Variants in ARHGAP22 observed in about 807,000 individuals in gnomAD.
ARHGAP22 encodes Rho GTPase activating protein 22.
In ARHGAP22, 48 loss-of-function variants were observed where a neutral mutation model predicts 59.1. The ratio of observed to expected loss-of-function variants is 0.81; its 90% CI spans 0.64 to 1.03. The LOEUF (loss-of-function observed/expected upper bound fraction) is 1.03. Among genes scored for constraint, ARHGAP22 ranks in the 50% least tolerant of loss-of-function variants. ARHGAP22 has a pLI of 0.00. For missense variants in ARHGAP22, 1,015 were observed against 958.7 expected (o/e 1.06, Z -0.78); for synonymous variants, 445 against 416.4 (o/e 1.07, Z -0.84).
intron 1 of ARHGAP22, among the ~76,000 whole-genome samples, chr10:48,648,353 G>A (rs1316756685): frequency 6.6e-6 from 1 of 152,134 alleles, no homozygotes; most frequent in Non-Finnish European, 1.5e-5. Context: ...TGCACTTCCT[G>A]GGCCCCTTGC....
chr10:48,507,519 C>T (rs1360569264), intron 3 of ARHGAP22, among the ~76,000 whole-genome samples: 1 of 152,190 alleles, frequency 6.6e-6, no homozygotes, highest in Non-Finnish European at 1.5e-5. Context: ...AAAGGTTAGC[C>T]TTTTGGGGAA....
rs78811305 is a variant in ARHGAP22, at chr10:48,511,112, G to A, written c.323-31348C>T. Reference sequence around the variant, plus strand: ...TTTGCAGGCAGGTGACTCCATGCACGGCACGGCAGCCAGGACCTCACCAAG... The same window carrying A: ...TTTGCAGGCAGGTGACTCCATGCACAGCACGGCAGCCAGGACCTCACCAAG... On this transcript the variant is annotated intron_variant, in intron 3 of 9. Coordinates refer to ENST00000249601, the MANE Select transcript of ARHGAP22 (RefSeq NM_021226.4). 5.9e-3 allele frequency among the ~76,000 whole-genome samples: 899 copies of A among 152,310 alleles called. 2 individuals carry two copies. Among genetic ancestry groups the A allele is most frequent in the Non-Finnish European group, 8.3e-3 (564 of 68,024 alleles).
intron 3 of ARHGAP22, 68 bp from the exon 4 acceptor site, chr10:48,479,832 T>C (rs1464065733): frequency 5.6e-6 from 8 of 1,418,296 alleles, no homozygotes; most frequent in African/African-American, 1.4e-5. Context: ...CCGCCGGCAC[T>C]AGTCAGCATT....
At chr10:48,630,048 T>G (rs926675045) in intron 1 of ARHGAP22, among the ~76,000 whole-genome samples, 1 of 152,220 alleles carries the variant, frequency 6.6e-6, no homozygotes, top group African/African-American at 2.4e-5. Flanking sequence ...TGCTAGGAGT[T>G]TGATTGGGAT....
intron 4 of ARHGAP22, among the ~76,000 whole-genome samples, chr10:48,465,509 A>AG (rs1402380529): frequency 6.6e-6 from 1 of 152,226 alleles, no homozygotes; most frequent in Non-Finnish European, 1.5e-5. Context: ...CCAGGCACCC[A>AG]GGAGCAAGTG....
At chr10:48,603,474 CT>C (rs1205420042) in intron 1 of ARHGAP22, among the ~76,000 whole-genome samples, 1 of 152,124 alleles carries the variant, frequency 6.6e-6, no homozygotes, top group East Asian at 1.9e-4. Flanking sequence ...ATTGTACATT[CT>C]TTTTTTGTAC....
intron 1 of ARHGAP22, among the ~76,000 whole-genome samples, chr10:48,646,644 C>G (rs1413499241): frequency 2.0e-5 from 3 of 151,940 alleles, no homozygotes; most frequent in Non-Finnish European, 4.4e-5. Flanking sequence ...ACAGCAGCAG[C>G]AACAACAACA....
chr10:48,450,113 G>C (rs969837507), intron 9 of ARHGAP22, 148 bp downstream of exon 9: 176 of 1,214,246 alleles, frequency 1.4e-4, no homozygotes, highest in Non-Finnish European at 1.9e-4. Flanking sequence ...CAGTCCTAGG[G>C]CTTTCCCAGA....
chr10:48,589,118 C>A (rs987245711), intron 1 of ARHGAP22, among the ~76,000 whole-genome samples: 1 of 152,222 alleles, frequency 6.6e-6, no homozygotes, highest in African/African-American at 2.4e-5. Context: ...CCTCACCCCC[C>A]AGTCCCCACC....
At chr10:48,591,629 T>C (rs932123036) in intron 1 of ARHGAP22, among the ~76,000 whole-genome samples, 1 of 152,022 alleles carries the variant, frequency 6.6e-6, no homozygotes, top group Admixed American at 6.5e-5. Context: ...TAATCCTAAG[T>C]CACATATAGA....
chr10:48,542,543 T>G (rs1021326360), intron 3 of ARHGAP22, among the ~76,000 whole-genome samples: 1 of 152,218 alleles, frequency 6.6e-6, no homozygotes, highest in Non-Finnish European at 1.5e-5. Context: ...GGCTCCCTCC[T>G]GCCTCCTGAT....
At chr10:48,490,555 G>T (rs1294142522) in intron 3 of ARHGAP22, among the ~76,000 whole-genome samples, 1 of 152,112 alleles carries the variant, frequency 6.6e-6, no homozygotes, top group Non-Finnish European at 1.5e-5. Context: ...GTGACTTCCC[G>T]TAGGCACAAT....
intron 3 of ARHGAP22, among the ~76,000 whole-genome samples, chr10:48,535,628 G>T (rs899488961): frequency 6.6e-6 from 1 of 152,214 alleles, no homozygotes; most frequent in African/African-American, 2.4e-5. Context: ...AGAGGCTTTG[G>T]CTGCCACACC....
At chr10:48,488,228 T>G (rs1357622284) in intron 3 of ARHGAP22, among the ~76,000 whole-genome samples, 1 of 152,256 alleles carries the variant, frequency 6.6e-6, no homozygotes, top group African/African-American at 2.4e-5. Context: ...AGAAGTTTAA[T>G]TTAGGTCTTT....
chr10:48,526,645 G>A (rs972194631), intron 3 of ARHGAP22, among the ~76,000 whole-genome samples: 4 of 152,166 alleles, frequency 2.6e-5, no homozygotes, highest in Admixed American at 2.0e-4. Flanking sequence ...ATTGTCCAAC[G>A]GCCAAGTCCT....
the ARHGAP22 span, chr10:48,430,096 T>C: frequency 6.6e-6 from 1 of 152,332 alleles, no homozygotes; most frequent in East Asian, 1.9e-4. Context: ...TTGTTTGTTT[T>C]TGTTTTTTTG....
Position 48,450,799 on chromosome 10 carries a change from C to G in ARHGAP22, c.1330G>C (p.Gly444Arg), listed in dbSNP as rs34940331. The G allele has an allele frequency of 0.011, 17,786 of 1,574,734 alleles. 123 individuals are homozygous for G. Among genetic ancestry groups the G allele is most frequent in the Non-Finnish European group, 0.013 (14,782 of 1,160,890 alleles). ...QPRSLSGSPK[G>R]GGSSLEVPII... Reference sequence around the variant, plus strand: ...GGCACCTCCAGGGATGAGCCGCCCCCCTTCGGGCTTCCCGATAGGGACCTC... The same window carrying G: ...GGCACCTCCAGGGATGAGCCGCCCCGCTTCGGGCTTCCCGATAGGGACCTC... The change falls in exon 9 of 10, where the codon GGG becomes CGG. Residue 444 changes from glycine (G) to arginine (R), a missense_variant. By Grantham distance (125) the Gly-to-Arg change is moderately radical. Coordinates refer to ENST00000249601, the MANE Select transcript of ARHGAP22 (RefSeq NM_021226.4).
At position 48,457,190 on chromosome 10, in the gene ARHGAP22, C is replaced by A. The variant is rs114354752; in HGVS notation, c.660-2056G>T. On this transcript the variant is annotated intron_variant, in intron 5 of 9. Coordinates refer to ENST00000249601, the MANE Select transcript of ARHGAP22 (RefSeq NM_021226.4). ...AGGGAACCCCCCGCCCACGCCAACACCGGCATCTATGCAGAACACGCCATG... is the reference window on the plus strand; with the variant it reads ...AGGGAACCCCCCGCCCACGCCAACAACGGCATCTATGCAGAACACGCCATG... Among the ~76,000 whole-genome samples the A allele has an allele frequency of 2.7e-3, 411 of 152,286 alleles. 2 individuals are homozygous for A. The highest frequency in any genetic ancestry group is 9.2e-3 in the African/African-American group (384 of 41,548).
intron 3 of ARHGAP22, among the ~76,000 whole-genome samples, chr10:48,548,521 C>A (rs373752953): frequency 6.6e-5 from 10 of 152,200 alleles, no homozygotes; most frequent in African/African-American, 2.2e-4. Flanking sequence ...TAACGGATGA[C>A]CTAATTCATC....
Sources: allele counts gnomAD v4.1 joint callset (sites outside exome capture counted in the v4.1 genomes callset), GRCh38; gene constraint gnomAD v4.1.1; transcripts MANE v1.5; gene names NCBI Gene and HGNC (gene_info 2026-07-23, HGNC 2026-07-21).